The following ETV6 variants were observed in gnomAD, a reference collection of about 807,000 sequenced individuals.
ETV6 encodes the protein ETS variant transcription factor 6, also known as transcription factor ETV6.
In ETV6, 16 loss-of-function variants were observed where a neutral mutation model predicts 51.1. That is an observed-to-expected ratio of 0.31 (90% CI 0.21 to 0.48). The LOEUF (loss-of-function observed/expected upper bound fraction) is 0.48, where lower values mean the gene tolerates loss of function less well. Among genes scored for constraint, ETV6 ranks in the 20% least tolerant of loss-of-function variants. ETV6 has a pLI of 0.99. For synonymous variants in ETV6, 240 were observed against 224.1 expected (o/e 1.07, Z -0.64); for missense variants, 458 against 594.8 (o/e 0.77, Z 2.39).
intron 2 of ETV6, among the ~76,000 whole-genome samples, chr12:11,790,713 T>C (rs931646105): frequency 6.8e-6 from 1 of 147,896 alleles, no homozygotes; most frequent in Non-Finnish European, 1.5e-5. Flanking sequence ...ACAGAGTATC[T>C]GTTGCCCATG....
chr12:11,821,878 C>T (rs777984906), intron 2 of ETV6, among the ~76,000 whole-genome samples: 16 of 152,056 alleles, frequency 1.1e-4, no homozygotes, highest in Admixed American at 3.9e-4. Context: ...GCATTGTCAC[C>T]TCCCACCCTC....
At chr12:11,799,590 G>A (rs1286807252) in intron 2 of ETV6, among the ~76,000 whole-genome samples, 1 of 152,222 alleles carries the variant, frequency 6.6e-6, no homozygotes, top group South Asian at 2.1e-4. Flanking sequence ...CGAAAAAAGA[G>A]GTTAATAAAT....
At chr12:11,701,068 TG>T (rs1246171712) in intron 1 of ETV6, among the ~76,000 whole-genome samples, 2 of 151,962 alleles carry the variant, frequency 1.3e-5, no homozygotes, top group Admixed American at 6.6e-5. Flanking sequence ...TATGTCCCTA[TG>T]TTTTTTTTTT....
intron 1 of ETV6, among the ~76,000 whole-genome samples, chr12:11,724,393 A>G (rs546950869): frequency 5.9e-5 from 9 of 152,256 alleles, no homozygotes; most frequent in Non-Finnish European, 1.0e-4. Context: ...GCCTGTGCCC[A>G]TCAGTACCAG....
At chr12:11,850,310 C>T (rs1430216138) in intron 3 of ETV6, among the ~76,000 whole-genome samples, 1 of 152,168 alleles carries the variant, frequency 6.6e-6, no homozygotes, top group East Asian at 1.9e-4. Flanking sequence ...AGGTGTGCGG[C>T]AGACCACGTG....
At chr12:11,827,914 A>ATGCAAATC (rs1181002022) in intron 2 of ETV6, among the ~76,000 whole-genome samples, 2 of 152,214 alleles carry the variant, frequency 1.3e-5, no homozygotes, top group African/African-American at 4.8e-5. Flanking sequence ...TCTGTGAATC[A>ATGCAAATC]TGCAAATCCT....
chr12:11,670,287 T>C (rs1864289052), intron 1 of ETV6, among the ~76,000 whole-genome samples: 1 of 152,244 alleles, frequency 6.6e-6, no homozygotes, highest in Admixed American at 6.5e-5. Flanking sequence ...AAGAAGTACT[T>C]CATGTGATTC....
chr12:11,831,191 G>T (rs1480982630), intron 2 of ETV6, among the ~76,000 whole-genome samples: 1 of 151,792 alleles, frequency 6.6e-6, no homozygotes, highest in Non-Finnish European at 1.5e-5. Flanking sequence ...TAAATAGTTT[G>T]TGTGTGTGTG....
At position 11,892,097 on chromosome 12, in the gene ETV6, C is replaced by G. The variant is rs981869155; in HGVS notation, c.*1051C>G. The G allele has an allele frequency of 4.3e-6, 1 of 233,066 alleles. No individual in the cohort carries two copies. Among genetic ancestry groups the G allele is most frequent in the Non-Finnish European group, 8.5e-6 (1 of 118,172 alleles). The allele number at this position is 233,066 out of a possible 1,614,324, so 14.4% of individuals were successfully genotyped here. ...AGTCCAGAAACTGGGCAAAAATATT[C>G]TGCAGTGGGGATTTATTTTTCCAAA... On this transcript the variant is annotated 3_prime_UTR_variant, in exon 8 of 8. Transcript: ENST00000396373.
intron 1 of ETV6, among the ~76,000 whole-genome samples, chr12:11,728,673 A>AGG: frequency 6.6e-6 from 1 of 152,288 alleles, no homozygotes; most frequent in Middle Eastern, 3.4e-3. Context: ...GCAGTCATAG[A>AGG]GGACGCAGGG....
At chr12:11,725,996 T>C (rs1865481487) in intron 1 of ETV6, among the ~76,000 whole-genome samples, 1 of 152,204 alleles carries the variant, frequency 6.6e-6, no homozygotes, top group Non-Finnish European at 1.5e-5. Flanking sequence ...ACAACATGAC[T>C]AAGACAGTTA....
chr12:11,690,484 T>C (rs2724608), intron 1 of ETV6, among the ~76,000 whole-genome samples: 2,321 of 152,186 alleles, frequency 0.015, 42 homozygotes, highest in East Asian at 0.093. Context: ...TGAGCTACTC[T>C]GGAGACTGAG....
chr12:11,786,187 C>T (rs1945480551), intron 2 of ETV6, among the ~76,000 whole-genome samples: 1 of 152,060 alleles, frequency 6.6e-6, no homozygotes, highest in South Asian at 2.1e-4. Flanking sequence ...CTCAATATTA[C>T]TTCCTTTGGG....
At chr12:11,843,869 G>A (rs1946424550) in intron 3 of ETV6, among the ~76,000 whole-genome samples, 1 of 152,012 alleles carries the variant, frequency 6.6e-6, no homozygotes. Context: ...GGAGACAAAT[G>A]GAATATTTTC....
At chr12:11,854,141 C>T (rs145420425) in intron 4 of ETV6, among the ~76,000 whole-genome samples, 2 of 152,222 alleles carry the variant, frequency 1.3e-5, no homozygotes, top group Non-Finnish European at 2.9e-5. Flanking sequence ...AGTGACAGAT[C>T]ATCAGCCATT....
chr12:11,821,166 T>C (rs1946074565), intron 2 of ETV6, among the ~76,000 whole-genome samples: 1 of 150,644 alleles, frequency 6.6e-6, no homozygotes, highest in Non-Finnish European at 1.5e-5. Context: ...ATCCAGACCA[T>C]CCTGGCTAAC....
chr12:11,741,866 T>G (rs1294585650), intron 1 of ETV6, among the ~76,000 whole-genome samples: 1 of 152,224 alleles, frequency 6.6e-6, no homozygotes, highest in Non-Finnish European at 1.5e-5. Flanking sequence ...ATTCGCAACT[T>G]TAGCTCTGCA....
chr12:11,880,631 G>T (rs1234272386), intron 5 of ETV6, among the ~76,000 whole-genome samples: 1 of 152,142 alleles, frequency 6.6e-6, no homozygotes, highest in African/African-American at 2.4e-5. Flanking sequence ...AGAACTGTCC[G>T]CTTTCTTTTT....
intron 1 of ETV6, among the ~76,000 whole-genome samples, chr12:11,729,916 G>A (rs1220286675): frequency 6.6e-6 from 1 of 152,160 alleles, no homozygotes; most frequent in East Asian, 1.9e-4. Context: ...TTATCCCTAT[G>A]TGTTTTTTGC....
Sources: allele counts gnomAD v4.1 joint callset (sites outside exome capture counted in the v4.1 genomes callset), GRCh38; gene constraint gnomAD v4.1.1; transcripts MANE v1.5; gene names NCBI Gene and HGNC (gene_info 2026-07-23, HGNC 2026-07-21).